TNFRSF14: variants seen among roughly 807,000 people sequenced by gnomAD.
TNFRSF14 encodes TNF receptor superfamily member 14, also known as tumor necrosis factor receptor superfamily member 14.
In TNFRSF14, 18 loss-of-function variants were observed where a neutral mutation model predicts 34.1. The ratio of observed to expected loss-of-function variants is 0.53; its 90% CI spans 0.36 to 0.78. TNFRSF14 has a LOEUF of 0.78. TNFRSF14 is among the 30% of genes least tolerant of loss of function. The pLI, the probability that TNFRSF14 is intolerant of heterozygous loss-of-function variation, is 0.00. For synonymous variants in TNFRSF14, 157 were observed against 153.2 expected (o/e 1.02, Z -0.18); for missense variants, 352 against 379.5 (o/e 0.93, Z 0.60).
At position 2,559,845 on chromosome 1, in the gene TNFRSF14, G is replaced by C. The variant is rs1284273808; in HGVS notation, c.327G>C (p.Arg109=). The part of the protein sequence containing the change: ...CDPAMGLRAS[R]NCSRTENAVC... ...CAGCCATGGGCCTGCGCGCGAGCCG[G>C]AACTGCTCCAGGACAGAGAACGCCG... is the stretch of plus-strand genomic sequence containing the variant. The change falls in exon 4 of 8, where the codon CGG becomes CGC. Residue 109 remains arginine (R), a synonymous_variant. Transcript: ENST00000355716. 1 of 1,608,704 alleles carries C rather than the reference G, an allele frequency of 6.2e-7. No individual in the cohort carries two copies. The highest frequency in any genetic ancestry group is 1.7e-4 in the Middle Eastern group (1 of 6,056).
chr1:2,562,155 A>G (rs1644319656), intron 6 of TNFRSF14: 1 of 383,276 alleles, frequency 2.6e-6, no homozygotes, highest in South Asian at 4.5e-5. Context: ...CTGAGGGTCA[A>G]CAGCCGCCCT....
At chr1:2,560,806 G>A in intron 5 of TNFRSF14, 92 bp downstream of exon 5, 4 of 1,227,130 alleles carry the variant, frequency 3.3e-6, no homozygotes, top group Non-Finnish European at 4.7e-6. Context: ...CCAGCAGAAA[G>A]GCTTGAAGGT....
In TNFRSF14 at chr1:2,559,844, G is replaced by A. The variant is rs776730987; in HGVS notation, c.326G>A (p.Arg109Gln). Reference protein sequence around the residue: ...CDPAMGLRASRNCSRTENAVC... With the variant: ...CDPAMGLRASQNCSRTENAVC... ...CCAGCCATGGGCCTGCGCGCGAGCC[G>A]GAACTGCTCCAGGACAGAGAACGCC... Residue 109 changes from arginine (R) to glutamine (Q), a missense_variant, in exon 4 of 8, where the codon CGG becomes CAG. Coordinates refer to ENST00000355716, the MANE Select transcript of TNFRSF14 (RefSeq NM_003820.4). The A allele has an allele frequency of 6.8e-6, 11 of 1,608,448 alleles. No homozygotes were observed. The highest frequency in any genetic ancestry group is 2.2e-5 in the East Asian group (1 of 44,720).
At chr1:2,559,122 G>A in intron 3 of TNFRSF14, 1 of 1,363,582 alleles carries the variant, frequency 7.3e-7, no homozygotes, top group East Asian at 3.4e-5. Context: ...GCACACCTGG[G>A]GGCAGGGCCT....
chr1:2,557,938 G>A (rs1226774063), intron 2 of TNFRSF14, 104 bp downstream of exon 2: 3 of 970,022 alleles, frequency 3.1e-6, no homozygotes, highest in African/African-American at 3.3e-5. Context: ...ACAGCCATGG[G>A]TGTGATGAAG....
In TNFRSF14 at chr1:2,559,459, C is replaced by A. The variant is rs2257763; in HGVS notation, c.305-364C>A. ...TTTGCACAGATGGGAAACCCGTTTG[C>A]GGGGTGGGTGTCTGGGTGGGCACGT... On this transcript the variant is annotated intron_variant, in intron 3 of 7. Transcript: ENST00000355716. 729,882 of 1,414,678 alleles carry A rather than the reference C, an allele frequency of 0.52. 189,792 individuals carry two copies. Among genetic ancestry groups the A allele is most frequent in the African/African-American group, 0.76 (53,813 of 70,928 alleles). The allele number at this position is 1,414,678 out of a possible 1,614,324, so 87.6% of individuals were successfully genotyped here.
At chr1:2,560,411 T>C (rs11573983) in intron 4 of TNFRSF14, 15 of 579,530 alleles carry the variant, frequency 2.6e-5, no homozygotes, top group South Asian at 1.9e-4. Context: ...CCCGGACTCA[T>C]GAGATCCCAG....
chr1:2,560,950 G>A (rs981956558), intron 5 of TNFRSF14: 2 of 520,980 alleles, frequency 3.8e-6, no homozygotes, highest in African/African-American at 1.9e-5. Context: ...GGAGGCTCAG[G>A]ATGGGCCTTC....
Position 2,556,691 on chromosome 1 carries a change from T to C in TNFRSF14, c.27T>C (p.Pro9=), listed in dbSNP as rs1215635858. The C allele has an allele frequency of 6.2e-7, 1 of 1,608,662 alleles. No individual in the cohort carries two copies. Among genetic ancestry groups the C allele is most frequent in the Non-Finnish European group, 8.5e-7 (1 of 1,177,376 alleles). MEPPGDWG[P]PPWRSTPKTD... ...TGGAGCCTCCTGGAGACTGGGGGCC[T>C]CCTCCCTGGAGATCCACCCCCAAAA... The change falls in exon 1 of 8, where the codon CCT becomes CCC. Residue 9 remains proline (P), a synonymous_variant. Coordinates refer to ENST00000355716, the MANE Select transcript of TNFRSF14 (RefSeq NM_003820.4).
chr1:2,560,000 C>A, intron 4 of TNFRSF14, 22 bp downstream of exon 4: 1 of 1,515,052 alleles, frequency 6.6e-7, no homozygotes, highest in Non-Finnish European at 8.9e-7. Context: ...GTGGCGGACA[C>A]CCCTCCCATT....
chr1:2,563,010 C>T (rs988943396), intron 7 of TNFRSF14, 114 bp downstream of exon 7: 3 of 1,555,408 alleles, frequency 1.9e-6, no homozygotes, highest in Admixed American at 1.8e-5. Flanking sequence ...TCTGAGGGTC[C>T]TGAGTCTTTC....
Position 2,556,648 on chromosome 1 carries a change from C to T in TNFRSF14, c.-17C>T, listed in dbSNP as rs200028156. On this transcript the variant is annotated 5_prime_UTR_variant, in exon 1 of 8. Transcript: ENST00000355716. ...CCTGCTAGCTGGGTTCCCGAGCTGC[C>T]GGTCTGAGCCTGAGGCATGGAGCCT... 3.8e-4 allele frequency: 615 copies of T among 1,608,504 alleles called. 1 individual carries two copies. Among genetic ancestry groups the T allele is most frequent in the Non-Finnish European group, 4.7e-4 (558 of 1,177,432 alleles).
intron 3 of TNFRSF14, chr1:2,559,620 A>C: frequency 9.8e-6 from 15 of 1,534,364 alleles, no homozygotes; most frequent in Non-Finnish European, 1.2e-5. Flanking sequence ...CTCGTCCCAC[A>C]CGCAGCTCTG....
At chr1:2,559,285 C>G in intron 3 of TNFRSF14, 1 of 1,366,946 alleles carries the variant, frequency 7.3e-7, no homozygotes, top group Non-Finnish European at 9.7e-7. Flanking sequence ...GTGAAAGCAC[C>G]TGTCTACTTG....
chr1:2,562,720 C>T lies in TNFRSF14; in HGVS notation c.695-145C>T. The T allele has an allele frequency of 2.7e-6, 3 of 1,100,194 alleles. 1 individual carries two copies. In the South Asian group the frequency reaches 3.8e-5, roughly 14 times the overall value. The allele number at this position is 1,100,194 out of a possible 1,614,324, so 68.2% of individuals were successfully genotyped here. A position where few individuals can be genotyped will look rare whatever the true frequency, so the allele number is the denominator to read the frequency against. On this transcript the variant is annotated intron_variant, in intron 6 of 7. Coordinates refer to ENST00000355716, the MANE Select transcript of TNFRSF14 (RefSeq NM_003820.4). ...CCCAACACAGTTGGCCTCCTCTGCT[C>T]TCAGAGAGGGTCAGTCCCTTGGGGA... is the stretch of plus-strand genomic sequence containing the variant.
intron 3 of TNFRSF14, chr1:2,559,234 C>T (rs1202713900): frequency 1.3e-5 from 18 of 1,369,876 alleles, no homozygotes; most frequent in Non-Finnish European, 1.6e-5. Flanking sequence ...TTGGGGCTCA[C>T]ACCTCAACCT....
chr1:2,562,786 G>A (rs978431483), intron 6 of TNFRSF14, 79 bp from the exon 7 acceptor site: 13 of 1,571,344 alleles, frequency 8.3e-6, no homozygotes, highest in Middle Eastern at 1.7e-4. Context: ...CTCCGCCACC[G>A]CTGTGAGACC....
chr1:2,563,769 A>G lies in TNFRSF14; in HGVS notation c.*496A>G. ...ATTCGGCTCCTGTTTTCTATTTGTC[A>G]TGAAACAGTGTATTTGGGGAGATGC... On this transcript the variant is annotated 3_prime_UTR_variant, in exon 8 of 8. Coordinates refer to ENST00000355716, the MANE Select transcript of TNFRSF14 (RefSeq NM_003820.4). The G allele has an allele frequency of 4.2e-6, 1 of 236,330 alleles. No homozygotes were observed. The highest frequency in any genetic ancestry group is 8.3e-6 in the Non-Finnish European group (1 of 119,942). The allele number at this position is 236,330 out of a possible 1,614,324, so 14.6% of individuals were successfully genotyped here. A position where few individuals can be genotyped will look rare whatever the true frequency, so the allele number is the denominator to read the frequency against.
In TNFRSF14 at chr1:2,556,696, C is replaced by T. The variant is rs1225382113; in HGVS notation, c.32C>T (p.Pro11Leu). Residue 11 changes from proline (P) to leucine (L), a missense_variant, in exon 1 of 8, where the codon CCC becomes CTC. Pro to Leu is a moderately conservative substitution (Grantham distance 98). Transcript: ENST00000355716. ...CCTCCTGGAGACTGGGGGCCTCCTC[C>T]CTGGAGATCCACCCCCAAAACCGAC... MEPPGDWGPPPWRSTPKTDVL... is the reference protein window; with the variant it reads MEPPGDWGPPLWRSTPKTDVL... 1 of 1,608,708 alleles carries T rather than the reference C, an allele frequency of 6.2e-7. No individual in the cohort carries two copies. The highest frequency in any genetic ancestry group is 8.5e-7 in the Non-Finnish European group (1 of 1,177,460).
Sources: allele counts gnomAD v4.1 joint callset, GRCh38; gene constraint gnomAD v4.1.1; transcripts MANE v1.5; gene names NCBI Gene and HGNC (gene_info 2026-07-23, HGNC 2026-07-21).